The following SGMS1 variants were observed in gnomAD, a reference collection of about 807,000 sequenced individuals.
SGMS1 encodes phosphatidylcholine:ceramide cholinephosphotransferase 1.
SGMS1 carries 13 observed loss-of-function variants against 46.2 expected under a neutral mutation model. The ratio of observed to expected loss-of-function variants is 0.28; its 90% CI spans 0.18 to 0.45. The LOEUF is 0.45. Ranked by LOEUF, SGMS1 falls within the 20% of genes least tolerant of loss-of-function variation. SGMS1 has a pLI of 1.00. For synonymous variants in SGMS1, 203 were observed against 187.8 expected (o/e 1.08, Z -0.66); for missense variants, 324 against 519.9 (o/e 0.62, Z 3.66).
chr10:50,376,380 G>A (rs760007407), intron 6 of SGMS1, among the ~76,000 whole-genome samples: 28 of 152,140 alleles, frequency 1.8e-4, no homozygotes, highest in Non-Finnish European at 1.2e-4. Flanking sequence ...TCCCGGCTGA[G>A]TTAGATAGGG....
At chr10:50,616,214 G>A (rs776810488) in intron 1 of SGMS1, among the ~76,000 whole-genome samples, 24 of 152,186 alleles carry the variant, frequency 1.6e-4, no homozygotes, top group Non-Finnish European at 3.1e-4. Flanking sequence ...CTCCAGGCTC[G>A]AACAAGCCTC....
At chr10:50,555,316 C>A (rs906619538) in intron 2 of SGMS1, among the ~76,000 whole-genome samples, 4 of 152,292 alleles carry the variant, frequency 2.6e-5, no homozygotes, top group African/African-American at 9.6e-5. Flanking sequence ...AATTCACTTA[C>A]CAGTCATATT....
chr10:50,332,542 C>G (rs931374585), intron 7 of SGMS1, among the ~76,000 whole-genome samples: 5 of 151,760 alleles, frequency 3.3e-5, no homozygotes, highest in African/African-American at 1.2e-4. Flanking sequence ...CCTGGATTCC[C>G]TGGATTGTGA....
rs540306013 is a variant in SGMS1 at position 50,545,321 on chromosome 10, G to A, written c.-588-25400C>T. 8.5e-5 allele frequency among the ~76,000 whole-genome samples: 13 copies of A among 152,306 alleles called. No individual in the cohort carries two copies. The South Asian group carries it at 2.5e-3, about 29-fold the overall frequency. The stretch of plus-strand genomic sequence containing the variant: ...AGTATTTGTGTGTCCCCTGTGCTGG[G>A]TGAGGTGTCAGAGCCAAGGCATTGG... On this transcript the variant is annotated intron_variant, in intron 2 of 10. Coordinates refer to ENST00000361781, the MANE Select transcript of SGMS1 (RefSeq NM_147156.4).
chr10:50,546,615 C>T (rs988487044), intron 2 of SGMS1, among the ~76,000 whole-genome samples: 42 of 152,084 alleles, frequency 2.8e-4, no homozygotes, highest in African/African-American at 1.0e-3. Context: ...AGCAAACTAT[C>T]ACAAGGACAA....
intron 6 of SGMS1, among the ~76,000 whole-genome samples, chr10:50,345,220 A>G (rs559346289): frequency 2.6e-5 from 4 of 151,980 alleles, no homozygotes; most frequent in South Asian, 4.2e-4. Flanking sequence ...GTTGAAGCCC[A>G]TGTGAAGGGC....
At chr10:50,373,592 T>G (rs1437179376) in intron 6 of SGMS1, among the ~76,000 whole-genome samples, 1 of 152,204 alleles carries the variant, frequency 6.6e-6, no homozygotes, top group Non-Finnish European at 1.5e-5. Context: ...TGTCACAGGT[T>G]ACTTCAGTAT....
chr10:50,400,721 G>T (rs1848925319), intron 6 of SGMS1, among the ~76,000 whole-genome samples: 1 of 152,014 alleles, frequency 6.6e-6, no homozygotes, highest in African/African-American at 2.4e-5. Flanking sequence ...TTTTTGTGAG[G>T]AAAAAGGTAA....
At chr10:50,393,689 T>G (rs1848807435) in intron 6 of SGMS1, among the ~76,000 whole-genome samples, 1 of 152,188 alleles carries the variant, frequency 6.6e-6, no homozygotes, top group Admixed American at 6.5e-5. Context: ...GACCAATTAC[T>G]AGAGGTATCT....
chr10:50,322,074 C>T (rs928750610), intron 8 of SGMS1, among the ~76,000 whole-genome samples: 11 of 152,162 alleles, frequency 7.2e-5, no homozygotes, highest in Admixed American at 2.6e-4. Context: ...CCAGACATAA[C>T]CCTGTCCAAA....
chr10:50,563,937 G>C (rs1294339959), intron 2 of SGMS1, among the ~76,000 whole-genome samples: 1 of 152,132 alleles, frequency 6.6e-6, no homozygotes, highest in Non-Finnish European at 1.5e-5. Context: ...ATGGCTCCCA[G>C]GGCTCCCAGG....
chr10:50,580,061 CT>C (rs1564436693), intron 2 of SGMS1, among the ~76,000 whole-genome samples: 1 of 152,134 alleles, frequency 6.6e-6, no homozygotes, highest in Non-Finnish European at 1.5e-5. Context: ...GACACAATTA[CT>C]AAATCCAAGG....
At chr10:50,378,236 T>C (rs544522312) in intron 6 of SGMS1, among the ~76,000 whole-genome samples, 3 of 152,196 alleles carry the variant, frequency 2.0e-5, no homozygotes, top group Non-Finnish European at 4.4e-5. Flanking sequence ...TCTCCTTCTT[T>C]TTACTGATTC....
chr10:50,563,720 G>A (rs1028983433), intron 2 of SGMS1, among the ~76,000 whole-genome samples: 1 of 139,314 alleles, frequency 7.2e-6, no homozygotes, highest in Non-Finnish European at 1.5e-5. Flanking sequence ...TCCAGCCTGG[G>A]CGACAGAGCG....
At chr10:50,350,727 C>T (rs1289061887) in intron 6 of SGMS1, among the ~76,000 whole-genome samples, 1 of 152,160 alleles carries the variant, frequency 6.6e-6, no homozygotes, top group Non-Finnish European at 1.5e-5. Context: ...TGCGGGTGCA[C>T]AGAAGTCAAG....
intron 8 of SGMS1, among the ~76,000 whole-genome samples, chr10:50,323,503 T>C (rs1300872289): frequency 2.0e-5 from 3 of 152,150 alleles, no homozygotes; most frequent in Non-Finnish European, 4.4e-5. Flanking sequence ...CTGTAACTTG[T>C]TTCTGGGCCT....
chr10:50,379,168 A>G (rs1441346330), intron 6 of SGMS1, among the ~76,000 whole-genome samples: 1 of 152,220 alleles, frequency 6.6e-6, no homozygotes, highest in Non-Finnish European at 1.5e-5. Flanking sequence ...AAGCCCCAGG[A>G]ATTCCATCTC....
At chr10:50,568,854 G>C (rs572479284) in intron 2 of SGMS1, among the ~76,000 whole-genome samples, 2 of 152,194 alleles carry the variant, frequency 1.3e-5, no homozygotes, top group East Asian at 3.9e-4. Context: ...ACATAGTAAA[G>C]AGTGTGCAGC....
intron 5 of SGMS1, among the ~76,000 whole-genome samples, chr10:50,440,753 G>A (rs529597859): frequency 7.9e-5 from 12 of 152,194 alleles, no homozygotes; most frequent in African/African-American, 2.4e-5. Context: ...GGGACTACAG[G>A]TGCATACTAC....
Sources: allele counts gnomAD v4.1 joint callset (sites outside exome capture counted in the v4.1 genomes callset), GRCh38; gene constraint gnomAD v4.1.1; transcripts MANE v1.5; gene names NCBI Gene and HGNC (gene_info 2026-07-23, HGNC 2026-07-21).